Variants in EML6 observed in about 807,000 individuals in gnomAD.
EML6 encodes EMAP like 6, also known as echinoderm microtubule-associated protein-like 6.
EML6 carries 154 observed loss-of-function variants against 240.1 expected under a neutral mutation model. The ratio of observed to expected loss-of-function variants is 0.64; its 90% CI spans 0.56 to 0.73. EML6 has a LOEUF of 0.73. Ranked by LOEUF, EML6 falls within the 30% of genes least tolerant of loss-of-function variation. The pLI, the probability that EML6 is intolerant of heterozygous loss-of-function variation, is 0.00. For synonymous variants in EML6, 1,148 were observed against 899.0 expected (o/e 1.28, Z -4.95); for missense variants, 2,964 against 2,474.6 (o/e 1.20, Z -4.20).
At chr2:54,969,965 C>A in intron 41 of EML6, 106 bp from the exon 42 acceptor site, 1 of 1,167,672 alleles carries the variant, frequency 8.6e-7, no homozygotes, top group Non-Finnish European at 1.3e-6. Context: ...ATGTTCAATA[C>A]ATCACCCGAG....
intron 2 of EML6, among the ~76,000 whole-genome samples, chr2:54,811,783 G>A (rs1043983826): frequency 1.3e-5 from 2 of 152,168 alleles, no homozygotes; most frequent in African/African-American, 4.8e-5. Context: ...GAAATACCAG[G>A]TGTGTCTCAA....
chr2:54,964,715 G>A lies in EML6; in HGVS notation c.5475G>A (p.Ala1825=), dbSNP rs577534823. 47 of 1,551,888 alleles carry A rather than the reference G, an allele frequency of 3.0e-5. No homozygotes were observed. Among genetic ancestry groups the A allele is most frequent in the South Asian group, 7.1e-5 (6 of 84,048 alleles). Residue 1825 remains alanine, a synonymous_variant, in exon 38 of 42, where the codon GCG becomes GCA. Coordinates refer to ENST00000356458, the MANE Select transcript of EML6 (RefSeq NM_001039753.4). Reference sequence around the variant, plus strand: ...TTGTCATTCAGATGGATTTTTCTGCGGATGGCAAATACATTCAGGTATGCT... The same window carrying A: ...TTGTCATTCAGATGGATTTTTCTGCAGATGGCAAATACATTCAGGTATGCT... ...PSFVIQMDFS[A]DGKYIQVSTG... is the part of the protein sequence containing the mutation.
intron 36 of EML6, among the ~76,000 whole-genome samples, 170 bp downstream of exon 36, chr2:54,962,881 C>T (rs1676585788): frequency 6.6e-6 from 1 of 152,154 alleles, no homozygotes; most frequent in Admixed American, 6.5e-5. Flanking sequence ...CACACCCCGT[C>T]TAAACAATAT....
intron 28 of EML6, among the ~76,000 whole-genome samples, chr2:54,935,590 T>G (rs1675094163): frequency 6.6e-6 from 1 of 152,226 alleles, no homozygotes; most frequent in Non-Finnish European, 1.5e-5. Flanking sequence ...AGTCACAGTT[T>G]TTATACCACC....
intron 7 of EML6, 86 bp from the exon 8 acceptor site, chr2:54,843,961 G>GTT (rs761897189): frequency 1.4e-5 from 7 of 511,440 alleles, no homozygotes; most frequent in South Asian, 3.5e-5. Context: ...TTACTTTAGG[G>GTT]TTTTGTGTGT....
Position 54,831,549 on chromosome 2 carries a change from C to G in EML6, c.847+2072C>G, listed in dbSNP as rs151031817. Among the ~76,000 whole-genome samples the G allele has an allele frequency of 3.1e-3, 476 of 152,264 alleles. 2 individuals carry two copies. The highest frequency in any genetic ancestry group is 0.011 in the African/African-American group (444 of 41,554). ...ATCAGTCTCAGATTCCCGCCCCATC[C>G]TTACCAAGATCAAAGCACATCTGGC... On this transcript the variant is annotated intron_variant, in intron 7 of 41. Transcript: ENST00000356458.
intron 2 of EML6, among the ~76,000 whole-genome samples, chr2:54,797,177 A>AAAAAAAAAAAAAAAAAAAAAAC (rs1669850770): frequency 7.5e-6 from 1 of 132,758 alleles, no homozygotes; most frequent in African/African-American, 2.9e-5. Flanking sequence ...AAAAAAAAAA[A>AAAAAAAAAAAAAAAAAAAAAAC]AAAAAAAAAA....
intron 2 of EML6, among the ~76,000 whole-genome samples, chr2:54,743,501 A>G (rs1488528374): frequency 6.6e-6 from 1 of 152,222 alleles, no homozygotes; most frequent in Middle Eastern, 3.2e-3. Flanking sequence ...GAGAATTCAG[A>G]GGTATAGTTA....
chr2:54,812,630 A>C (rs2104044722), intron 2 of EML6, among the ~76,000 whole-genome samples: 1 of 152,306 alleles, frequency 6.6e-6, no homozygotes, highest in South Asian at 2.1e-4. Context: ...CTACAGAGAA[A>C]AATTGCTATA....
chr2:54,870,355 G>T (rs144301531), intron 15 of EML6, among the ~76,000 whole-genome samples: 3 of 149,886 alleles, frequency 2.0e-5, no homozygotes, highest in African/African-American at 7.3e-5. Flanking sequence ...TCCTCCAAAG[G>T]GTAAGGGCTG....
intron 26 of EML6, among the ~76,000 whole-genome samples, chr2:54,917,453 C>A (rs1412659971): frequency 2.0e-5 from 3 of 151,374 alleles, no homozygotes; most frequent in East Asian, 3.9e-4. Flanking sequence ...CAACTTCTGC[C>A]TCCCAGGTTC....
At position 54,847,538 on chromosome 2, in the gene EML6, G is replaced by T. The variant is rs1669830888; in HGVS notation, c.1102G>T (p.Ala368Ser). ...GATCGCCCGCTGTAACATGGAAGAG[G>T]CGGTTCGCAGTGTAGCTTTCAGCCC... ...ALIARCNMEE[A>S]VRSVAFSPDG... Residue 368 changes from alanine (A) to serine (S), a missense_variant, in exon 9 of 42, where the codon GCG becomes TCG. By Grantham distance (99) the Ala-to-Ser change is moderately conservative. Coordinates refer to ENST00000356458, the MANE Select transcript of EML6 (RefSeq NM_001039753.4). 4 of 1,552,162 alleles carry T rather than the reference G, an allele frequency of 2.6e-6. No homozygotes were observed.
rs553883796 is a variant in EML6 at position 54,926,045 on chromosome 2, A to G, written c.3676-2268A>G. Among the ~76,000 whole-genome samples the G allele has an allele frequency of 2.1e-3, 322 of 152,294 alleles. 1 individual carries two copies. The highest frequency in any genetic ancestry group is 6.6e-3 in the South Asian group (32 of 4,828). On this transcript the variant is annotated intron_variant, in intron 26 of 41. Transcript: ENST00000356458. Reference sequence around the variant, plus strand: ...TAGGGGAGAGTGCACAGCTTTCACGAGATTCTCAGGAATTTCTTCCCTACA... The same window carrying G: ...TAGGGGAGAGTGCACAGCTTTCACGGGATTCTCAGGAATTTCTTCCCTACA...
intron 28 of EML6, among the ~76,000 whole-genome samples, chr2:54,948,038 C>T (rs563524200): frequency 2.0e-5 from 3 of 152,234 alleles, no homozygotes; most frequent in Admixed American, 6.5e-5. Flanking sequence ...TTGCATATCC[C>T]GGGAGCAATA....
chr2:54,957,649 T>C, intron 32 of EML6, 141 bp from the exon 33 acceptor site: 1 of 715,596 alleles, frequency 1.4e-6, no homozygotes, highest in Non-Finnish European at 2.3e-6. Context: ...TGGGGAATAG[T>C]GTCTGAAGGG....
chr2:54,809,777 C>G (rs374642564), intron 2 of EML6, among the ~76,000 whole-genome samples: 1 of 152,108 alleles, frequency 6.6e-6, no homozygotes, highest in Non-Finnish European at 1.5e-5. Context: ...GAGTAAAGTT[C>G]GTGAGCTTTT....
intron 28 of EML6, among the ~76,000 whole-genome samples, chr2:54,938,919 A>G (rs978919761): frequency 2.6e-5 from 4 of 152,170 alleles, no homozygotes; most frequent in African/African-American, 9.7e-5. Context: ...GAACTGAACA[A>G]TCACAGGCCC....
At chr2:54,962,110 T>A (rs1444680544) in intron 35 of EML6, among the ~76,000 whole-genome samples, 1 of 145,028 alleles carries the variant, frequency 6.9e-6, no homozygotes, top group Non-Finnish European at 1.5e-5. Context: ...AAAGACAGGG[T>A]CTCACTGTGT....
chr2:54,959,565 C>T (rs1025778021), intron 34 of EML6, among the ~76,000 whole-genome samples: 3 of 152,084 alleles, frequency 2.0e-5, no homozygotes, highest in African/African-American at 7.2e-5. Flanking sequence ...AGTTCAAAAC[C>T]AGCCTGGTCA....
Sources: allele counts gnomAD v4.1 joint callset (sites outside exome capture counted in the v4.1 genomes callset), GRCh38; gene constraint gnomAD v4.1.1; transcripts MANE v1.5; gene names NCBI Gene and HGNC (gene_info 2026-07-23, HGNC 2026-07-21).